Variants in CACNA1D observed in about 807,000 individuals in gnomAD.
The protein encoded by CACNA1D is calcium voltage-gated channel subunit alpha1 D.
Under a neutral mutation model 257.1 loss-of-function variants are expected in CACNA1D, and 55 were observed. That is an observed-to-expected ratio of 0.21 (90% CI 0.17 to 0.27). The LOEUF (loss-of-function observed/expected upper bound fraction) is 0.27. CACNA1D is among the 10% of genes least tolerant of loss of function. CACNA1D has a pLI of 1.00. For synonymous variants in CACNA1D, 980 were observed against 1,014.9 expected (o/e 0.97, Z 0.65); for missense variants, 1,876 against 2,784.0 (o/e 0.67, Z 7.34).
At chr3:53,706,646 G>T (rs906197329) in intron 9 of CACNA1D, among the ~76,000 whole-genome samples, 2 of 152,104 alleles carry the variant, frequency 1.3e-5, no homozygotes, top group African/African-American at 4.8e-5. Flanking sequence ...AATTTAGGGG[G>T]TACAAATACC....
chr3:53,707,327 G>A, intron 9 of CACNA1D, among the ~76,000 whole-genome samples: 1 of 151,948 alleles, frequency 6.6e-6, no homozygotes, highest in East Asian at 1.9e-4. Context: ...GGTTCCCTGG[G>A]GATTCTAATG....
At chr3:53,758,652 G>A (rs2095281612) in intron 29 of CACNA1D, among the ~76,000 whole-genome samples, 1 of 152,220 alleles carries the variant, frequency 6.6e-6, no homozygotes, top group African/African-American at 2.4e-5. Context: ...TCCAGAGTCA[G>A]AAATGTTTCT....
chr3:53,605,749 GTCTGTTCTCCCC>G (rs932127957), intron 3 of CACNA1D, among the ~76,000 whole-genome samples: 1 of 152,188 alleles, frequency 6.6e-6, no homozygotes, highest in African/African-American at 2.4e-5. Context: ...TATGATGCAG[GTCTGTTCTCCCC>G]TTCCAGAGAT....
intron 3 of CACNA1D, among the ~76,000 whole-genome samples, chr3:53,626,568 A>AT (rs35238366): frequency 0.074 from 11,173 of 150,316 alleles, 449 homozygotes; most frequent in South Asian, 0.078. Context: ...AGTTCCTCTG[A>AT]TTTTTTTTTT....
intron 6 of CACNA1D, 22 bp downstream of exon 6, chr3:53,665,834 T>C: frequency 6.2e-7 from 1 of 1,601,156 alleles, no homozygotes; most frequent in African/African-American, 1.3e-5. Context: ...GAATTGTAGC[T>C]AACTTAACTT....
chr3:53,689,956 G>A (rs1039141157), intron 8 of CACNA1D, among the ~76,000 whole-genome samples: 40 of 152,174 alleles, frequency 2.6e-4, no homozygotes, highest in African/African-American at 7.9e-4. Flanking sequence ...CACTGCACCC[G>A]GCTAGATTTT....
intron 8 of CACNA1D, among the ~76,000 whole-genome samples, chr3:53,682,156 T>G (rs972391271): frequency 6.6e-6 from 1 of 151,988 alleles, no homozygotes; most frequent in African/African-American, 2.4e-5. Context: ...TATTCTCATA[T>G]CCTCAACTTA....
intron 3 of CACNA1D, among the ~76,000 whole-genome samples, chr3:53,504,055 G>GTT (rs529982644): frequency 1.5e-4 from 21 of 140,902 alleles, no homozygotes; most frequent in African/African-American, 3.9e-4. Context: ...CTGGTTTTTT[G>GTT]TTTTTTTTTT....
intron 3 of CACNA1D, among the ~76,000 whole-genome samples, chr3:53,508,485 C>T (rs187261330): frequency 6.0e-4 from 91 of 152,268 alleles, no homozygotes; most frequent in African/African-American, 9.1e-4. Flanking sequence ...CCCACCACCC[C>T]GCAACTCAAG....
chr3:53,662,253 G>A (rs1316084362), intron 5 of CACNA1D, among the ~76,000 whole-genome samples: 1 of 152,174 alleles, frequency 6.6e-6, no homozygotes, highest in African/African-American at 2.4e-5. Context: ...TATTTCACAA[G>A]GTGGTGAATC....
chr3:53,573,716 T>C (rs1445181173), intron 3 of CACNA1D, among the ~76,000 whole-genome samples: 1 of 152,234 alleles, frequency 6.6e-6, no homozygotes, highest in Non-Finnish European at 1.5e-5. Context: ...GTATCTCGAA[T>C]AGCTCTGGGC....
In CACNA1D at chr3:53,781,656, C is replaced by A; in HGVS notation, c.4781C>A (p.Pro1594His). 6.2e-7 allele frequency: 1 copy of A among 1,611,198 alleles called. No individual in the cohort carries two copies. The highest frequency in any genetic ancestry group is 8.5e-7 in the Non-Finnish European group (1 of 1,177,236). ...TSMKLLDQVVPPAGDDEVTVG... is the reference protein window; with the variant it reads ...TSMKLLDQVVHPAGDDEVTVG... The stretch of plus-strand genomic sequence containing the variant: ...ATGAAATTACTTGACCAAGTTGTCC[C>A]TCCAGCTGGTGGTCAGTGCAGTCTA... Residue 1594 changes from proline (P) to histidine (H), a missense_variant, in exon 39 of 48, where the codon CCT (proline) becomes CAT (histidine). Physicochemically the swap from Pro to His is moderately conservative, Grantham distance 77. This residue lies in a region of CACNA1D where 160 missense variants were observed against 236.6 expected (regional missense o/e 0.68). Transcript: ENST00000350061.
At chr3:53,725,560 T>C (rs2094927723) in intron 14 of CACNA1D, among the ~76,000 whole-genome samples, 1 of 152,196 alleles carries the variant, frequency 6.6e-6, no homozygotes, top group Admixed American at 6.5e-5. Context: ...TATTAGCTCA[T>C]TGTCTTCACA....
At chr3:53,767,646 G>A (rs2095341714) in intron 30 of CACNA1D, among the ~76,000 whole-genome samples, 1 of 148,628 alleles carries the variant, frequency 6.7e-6, no homozygotes, top group Non-Finnish European at 1.5e-5. Flanking sequence ...TCCCTGGGGT[G>A]GGACCTGGGC....
At position 53,723,730 on chromosome 3, in the gene CACNA1D, G is replaced by A; in HGVS notation, c.1893-62G>A. ...CGGCAACCAGTCACATCCCCGGGCA[G>A]GTGATGTTCTGCTCTGTCCTGCATG... On this transcript the variant is annotated intron_variant, in intron 13 of 47. Coordinates refer to ENST00000350061, the MANE Select transcript of CACNA1D (RefSeq NM_001128840.3). This position sits in a 1 kb window ranked among gnomAD's most constrained non-coding sequence, Gnocchi z 5.6. The A allele has an allele frequency of 2.5e-6, 4 of 1,588,380 alleles. No individual in the cohort carries two copies. Among genetic ancestry groups the A allele is most frequent in the African/African-American group, 1.3e-5 (1 of 74,460 alleles).
chr3:53,681,508 T>C (rs1020879331), intron 8 of CACNA1D, among the ~76,000 whole-genome samples: 1 of 152,186 alleles, frequency 6.6e-6, no homozygotes, highest in Non-Finnish European at 1.5e-5. Flanking sequence ...CAGTGGTAGA[T>C]GTATGCCAAG....
At chr3:53,635,155 T>C (rs1412896287) in intron 3 of CACNA1D, among the ~76,000 whole-genome samples, 2 of 152,226 alleles carry the variant, frequency 1.3e-5, no homozygotes, top group Admixed American at 6.5e-5. Context: ...TACAGGTGTC[T>C]GACAGCCCTG....
chr3:53,526,075 G>T (rs770269180), intron 3 of CACNA1D, among the ~76,000 whole-genome samples: 1 of 152,226 alleles, frequency 6.6e-6, no homozygotes, highest in Non-Finnish European at 1.5e-5. Context: ...AAAAGAGAGT[G>T]TGAGAGTCTT....
chr3:53,646,844 A>G (rs1360755781), intron 3 of CACNA1D, among the ~76,000 whole-genome samples: 1 of 152,232 alleles, frequency 6.6e-6, no homozygotes, highest in African/African-American at 2.4e-5. Flanking sequence ...ACAAGTATTC[A>G]TGCCACAGCA....
Sources: gnomAD v4.1 joint callset for allele counts (sites outside exome capture counted in the v4.1 genomes callset) on GRCh38, gnomAD v4.1.1 for gene constraint, gnomAD v4.1.1 regional missense constraint, Gnocchi (gnomAD v3.1) non-coding constraint, MANE v1.5 for transcripts, NCBI Gene and HGNC (gene_info 2026-07-23, HGNC 2026-07-21) for gene names.